Variants in TDRD12 observed in about 807,000 individuals in gnomAD.
TDRD12 encodes the protein tudor domain containing 12.
TDRD12 carries 158 observed loss-of-function variants against 133.5 expected under a neutral mutation model. The ratio of observed to expected loss-of-function variants is 1.18; its 90% confidence interval spans 1.04 to 1.35. The LOEUF (loss-of-function observed/expected upper bound fraction) is 1.35. TDRD12 is among the 40% of genes most tolerant of loss of function. The pLI is 0.00. For missense variants in TDRD12, 1,443 were observed against 1,321.3 expected (o/e 1.09, Z -1.43); for synonymous variants, 460 against 477.9 (o/e 0.96, Z 0.49).
Position 32,818,168 on chromosome 19 carries a change from A to G in TDRD12, c.3383+11A>G. 1.4e-6 allele frequency: 1 copy of G among 700,506 alleles called. No homozygotes were observed. The highest frequency in any genetic ancestry group is 2.7e-5 in the East Asian group (1 of 37,218). 43.4% of individuals were successfully genotyped at this position (700,506 alleles called of 1,614,324 possible). The stretch of plus-strand genomic sequence containing the variant: ...GCAGGGGGGGCAGGGGTGAGTAAGA[A>G]CACCACAGAGCTTCCTCCCAGAATG... On this transcript the variant is annotated intron_variant, in intron 27 of 27. Coordinates refer to ENST00000444215, the Ensembl canonical transcript of TDRD12.
intron 5 of TDRD12, among the ~76,000 whole-genome samples, chr19:32,748,981 A>G (rs962339062): frequency 6.6e-6 from 1 of 152,216 alleles, no homozygotes; most frequent in Non-Finnish European, 1.5e-5. Context: ...TTTATTTTAT[A>G]TCAGTGACTA....
chr19:32,821,164 G>A lies in TDRD12; in HGVS notation c.3515G>A (p.Trp1172Ter), dbSNP rs1354649719. ...GGTGGGTACTTGGTATTCAAAAGAT[G>A]GTTAAGTTCAAATCGTTAATGTCTG... The change falls in exon 28 of 28, where the codon TGG becomes TAG. Residue 1172 changes from tryptophan (W) to a stop codon, truncating the protein, a stop_gained. Coordinates refer to ENST00000444215, the Ensembl canonical transcript of TDRD12. LOFTEE classifies it high-confidence loss of function. 3.3e-6 allele frequency: 5 copies of A among 1,514,196 alleles called. No individual in the cohort carries two copies. Among genetic ancestry groups the A allele is most frequent in the Non-Finnish European group, 4.4e-6 (5 of 1,129,678 alleles). The allele number at this position is 1,514,196 out of a possible 1,614,324, so 93.8% of individuals were successfully genotyped here. A position where few individuals can be genotyped will look rare whatever the true frequency, so the allele number is the denominator to read the frequency against.
Position 32,765,149 on chromosome 19 carries a change from T to C in TDRD12, c.866-7604T>C, listed in dbSNP as rs1056377355. Among the ~76,000 whole-genome samples, 32 of 152,258 alleles carry C rather than the reference T, an allele frequency of 2.1e-4. 1 individual carries two copies. The highest frequency in any genetic ancestry group is 1.6e-3 in the Admixed American group (25 of 15,284). Reference sequence around the variant, plus strand: ...AGACACATGAAAAAATGCTCATCATTGCTGGCCATCAGAGAAATGCAAATC... The same window carrying C: ...AGACACATGAAAAAATGCTCATCATCGCTGGCCATCAGAGAAATGCAAATC... On this transcript the variant is annotated intron_variant, in intron 8 of 27. Transcript: ENST00000444215.
At chr19:32,749,847 A>C in exon 6 of TDRD12, 1 of 1,547,788 alleles carries the variant, frequency 6.5e-7, no homozygotes, top group Non-Finnish European at 8.7e-7. Flanking sequence ...GTTTACCTTT[A>C]TGTAACTATA....
chr19:32,818,227 T>C, intron 27 of TDRD12, 70 bp downstream of exon 27: 2 of 651,584 alleles, frequency 3.1e-6, no homozygotes, highest in Non-Finnish European at 5.5e-6. Flanking sequence ...AGGGGGACAG[T>C]GCATGGGGAC....
At chr19:32,776,589 AAAGAC>A (rs956346415) in intron 10 of TDRD12, among the ~76,000 whole-genome samples, 1 of 152,168 alleles carries the variant, frequency 6.6e-6, no homozygotes, top group African/African-American at 2.4e-5. Flanking sequence ...CAGAGAGAAA[AAAGAC>A]AAGAAAGTCC....
chr19:32,827,822 A>AG (rs1395423923), exon 10 of TDRD12: 2 of 152,248 alleles, frequency 1.3e-5, no homozygotes, highest in Non-Finnish European at 2.9e-5. Flanking sequence ...GAGAAACAGC[A>AG]GGTGTGGTCT....
At chr19:32,724,228 T>A (rs895995315) in intron 1 of TDRD12, among the ~76,000 whole-genome samples, 4 of 152,218 alleles carry the variant, frequency 2.6e-5, no homozygotes, top group Non-Finnish European at 5.9e-5. Flanking sequence ...TATTATTTTT[T>A]AATTTAATTT....
intron 6 of TDRD12, among the ~76,000 whole-genome samples, chr19:32,751,564 TC>T (rs1969827936): frequency 6.6e-6 from 1 of 151,130 alleles, no homozygotes; most frequent in Non-Finnish European, 1.5e-5. Context: ...TCCCTTCCCT[TC>T]CCCTCTCCTT....
chr19:32,806,821 G>A (rs994425901), intron 21 of TDRD12, among the ~76,000 whole-genome samples: 1 of 151,280 alleles, frequency 6.6e-6, no homozygotes, highest in Non-Finnish European at 1.5e-5. Flanking sequence ...GCCACCATGC[G>A]CAGCTAATTT....
At chr19:32,764,190 A>C (rs979111407) in intron 8 of TDRD12, among the ~76,000 whole-genome samples, 1 of 131,302 alleles carries the variant, frequency 7.6e-6, no homozygotes, top group African/African-American at 3.0e-5. Context: ...AGCTTACTGC[A>C]AGCTCCGCCT....
At chr19:32,738,727 T>G in intron 2 of TDRD12, 129 bp from the exon 3 acceptor site, 1 of 977,466 alleles carries the variant, frequency 1.0e-6, no homozygotes. Flanking sequence ...GCAGGAGAAT[T>G]GCTTGAACCT....
chr19:32,725,038 G>A lies in TDRD12; in HGVS notation c.24+4942G>A, dbSNP rs544155949. On this transcript the variant is annotated intron_variant, in intron 1 of 27. Coordinates refer to ENST00000444215, the Ensembl canonical transcript of TDRD12. The stretch of plus-strand genomic sequence containing the variant: ...TCTTTTGAGAAGTGTCTGTTCATGC[G>A]CTTTGCCTACTTTTTGATGGGGTTT... Among the ~76,000 whole-genome samples, 21 of 152,068 alleles carry A rather than the reference G, an allele frequency of 1.4e-4. 1 individual carries two copies. The highest frequency in any genetic ancestry group is 5.1e-4 in the African/African-American group (21 of 41,502).
At chr19:32,824,013 G>C (rs1191222010), downstream of TDRD12, 1 of 152,318 alleles carries the variant, frequency 6.6e-6, no homozygotes, top group African/African-American at 2.4e-5. Flanking sequence ...GGGAAGCTCT[G>C]GCTATTAGAT....
At chr19:32,751,324 G>A (rs889991144) in intron 6 of TDRD12, among the ~76,000 whole-genome samples, 13 of 152,114 alleles carry the variant, frequency 8.5e-5, no homozygotes, top group African/African-American at 2.9e-4. Context: ...TGGTGTGTAT[G>A]TACCACATTT....
At chr19:32,821,670 G>A (rs1967401782), downstream of TDRD12, among the ~76,000 whole-genome samples, 1 of 152,192 alleles carries the variant, frequency 6.6e-6, no homozygotes, top group African/African-American at 2.4e-5. Flanking sequence ...GAGCCACTGT[G>A]CCCCGCCTAT....
Position 32,802,663 on chromosome 19 carries a change from A to G in TDRD12, c.2205A>G (p.Thr735=), listed in dbSNP as rs572794853. 3.2e-4 allele frequency: 493 copies of G among 1,535,946 alleles called. 1 individual carries two copies. Among genetic ancestry groups the G allele is most frequent in the Non-Finnish European group, 3.2e-4 (367 of 1,146,898 alleles). The change falls in exon 20 of 28, where the codon ACA becomes ACG. Residue 735 remains threonine (T), a synonymous_variant. Coordinates refer to ENST00000444215, the Ensembl canonical transcript of TDRD12. ...CGGACTCCCTCTCTGCAGCCCTCAC[A>G]GACGACTGCGTCCCACTCTTGGCCA...
At chr19:32,815,356 G>A in intron 25 of TDRD12, 92 bp from the exon 26 acceptor site, 2 of 1,110,312 alleles carry the variant, frequency 1.8e-6, no homozygotes, top group Non-Finnish European at 2.5e-6. Context: ...GTGGCAGGCT[G>A]AATGAACCAG....
intron 6 of TDRD12, among the ~76,000 whole-genome samples, chr19:32,750,709 C>A (rs1301045131): frequency 1.3e-5 from 2 of 152,208 alleles, no homozygotes; most frequent in Non-Finnish European, 2.9e-5. Flanking sequence ...CCTCCTCTGG[C>A]CTGTGACAGC....
Sources: gnomAD v4.1 joint callset for allele counts (sites outside exome capture counted in the v4.1 genomes callset) on GRCh38, gnomAD v4.1.1 for gene constraint, MANE v1.5 for transcripts, NCBI Gene and HGNC (gene_info 2026-07-23, HGNC 2026-07-21) for gene names.